BMP7: variants seen among roughly 807,000 people sequenced by gnomAD.
BMP7 encodes osteogenic protein 1.
A neutral mutation model predicts 41.2 loss-of-function variants in BMP7; 12 were observed. The ratio of observed to expected loss-of-function variants is 0.29; its 90% confidence interval spans 0.19 to 0.47. The LOEUF is 0.47. Among genes scored for constraint, BMP7 ranks in the 20% least tolerant of loss-of-function variants. The pLI is 0.99. For missense variants in BMP7, 467 were observed against 606.0 expected (o/e 0.77, Z 2.41); for synonymous variants, 248 against 250.0 (o/e 0.99, Z 0.07).
At chr20:57,244,278 A>C (rs919175858) in intron 1 of BMP7, among the ~76,000 whole-genome samples, 1 of 152,140 alleles carries the variant, frequency 6.6e-6, no homozygotes, top group African/African-American at 2.4e-5. Context: ...AGGAAAGGAG[A>C]GTGTCCATGG....
At position 57,192,270 on chromosome 20, in the gene BMP7, A is replaced by G. The variant is rs1241246860; in HGVS notation, c.761-8351T>C. On this transcript the variant is annotated intron_variant, in intron 3 of 6. Coordinates refer to ENST00000395863, the MANE Select transcript of BMP7 (RefSeq NM_001719.3). Reference sequence around the variant, plus strand: ...GCATATATACTATAGTATATATAGTATATATACTATAATATATATAGTATA... The same window carrying G: ...GCATATATACTATAGTATATATAGTGTATATACTATAATATATATAGTATA... Among the ~76,000 whole-genome samples the G allele has an allele frequency of 5.9e-5, 8 of 134,510 alleles. No homozygotes were observed. In the East Asian group the frequency reaches 1.7e-3, roughly 28 times the overall value. 88.2% of individuals were successfully genotyped at this position (134,510 alleles called of 152,430 possible).
intron 3 of BMP7, among the ~76,000 whole-genome samples, chr20:57,196,004 A>G (rs1434023167): frequency 6.6e-6 from 1 of 152,164 alleles, no homozygotes; most frequent in African/African-American, 2.4e-5. Flanking sequence ...GGAGTATAAC[A>G]TGAGGCAGAC....
chr20:57,227,899 C>T (rs973475140), intron 2 of BMP7, among the ~76,000 whole-genome samples: 5 of 152,004 alleles, frequency 3.3e-5, no homozygotes, highest in African/African-American at 1.2e-4. Context: ...GAGTGAGAAA[C>T]GGGAGAGAGG....
At chr20:57,225,221 A>G (rs1985283398) in intron 2 of BMP7, among the ~76,000 whole-genome samples, 1 of 152,188 alleles carries the variant, frequency 6.6e-6, no homozygotes, top group Non-Finnish European at 1.5e-5. Flanking sequence ...CTATCTCTGA[A>G]CAGGCGAGCT....
At chr20:57,252,509 T>C (rs1358464345) in intron 1 of BMP7, among the ~76,000 whole-genome samples, 3 of 152,148 alleles carry the variant, frequency 2.0e-5, no homozygotes, top group Non-Finnish European at 4.4e-5. Context: ...AAGATAAAAA[T>C]AAAAGAGGGG....
chr20:57,249,003 G>A lies in BMP7; in HGVS notation c.418+16702C>T, dbSNP rs747369711. On this transcript the variant is annotated intron_variant, in intron 1 of 6. Transcript: ENST00000395863. ...TTTTTAGTAGAGACGATGTTTCACC[G>A]TGTTAGCTAGCATGGTCTTGATCTC... 8.6e-5 allele frequency among the ~76,000 whole-genome samples: 13 copies of A among 151,814 alleles called. 1 individual carries two copies. Among genetic ancestry groups the A allele is most frequent in the East Asian group, 2.0e-4 (1 of 5,126 alleles).
chr20:57,225,666 A>C (rs1232811152), intron 2 of BMP7, among the ~76,000 whole-genome samples: 2 of 152,226 alleles, frequency 1.3e-5, no homozygotes, highest in Non-Finnish European at 2.9e-5. Context: ...TTCTAGGTTG[A>C]AAAACAAAAC....
intron 1 of BMP7, among the ~76,000 whole-genome samples, chr20:57,237,180 G>A (rs1311764256): frequency 1.3e-5 from 2 of 152,168 alleles, no homozygotes; most frequent in Admixed American, 1.3e-4. Context: ...CTCCAGTTAG[G>A]GGCCGGGGAC....
Position 57,183,772 on chromosome 20 carries a change from C to T in BMP7, c.908G>A (p.Arg303His), listed in dbSNP as rs749169949. ...STGSKQRSQN[R>H]SKTPKNQEAL... ...TTCCTGGTTCTTGGGCGTCTTGGAG[C>T]GGTTCTGGCTGCGCTGTTTGCTCCC... is the stretch of plus-strand genomic sequence containing the variant. The change falls in exon 4 of 7, where the codon CGC (arginine) becomes CAC (histidine). Residue 303 changes from arginine (R) to histidine (H), a missense_variant. Physicochemically the swap from Arg to His is conservative, Grantham distance 29. Coordinates refer to ENST00000395863, the MANE Select transcript of BMP7 (RefSeq NM_001719.3). 2.1e-5 allele frequency: 34 copies of T among 1,614,076 alleles called. No homozygotes were observed. Among genetic ancestry groups the T allele is most frequent in the South Asian group, 2.0e-4 (18 of 91,086 alleles).
intron 3 of BMP7, among the ~76,000 whole-genome samples, chr20:57,192,945 G>A (rs560780614): frequency 1.1e-4 from 17 of 152,116 alleles, no homozygotes; most frequent in South Asian, 2.1e-4. Context: ...GCTTTCCTGC[G>A]GTATAATAAC....
chr20:57,260,604 C>G (rs1013356818), intron 1 of BMP7, among the ~76,000 whole-genome samples: 2 of 152,200 alleles, frequency 1.3e-5, no homozygotes, highest in African/African-American at 4.8e-5. Context: ...TAATTAAAAG[C>G]AGAGGGTTGT....
chr20:57,172,117 G>A (rs1025188670), intron 6 of BMP7, among the ~76,000 whole-genome samples: 1 of 152,184 alleles, frequency 6.6e-6, no homozygotes, highest in Admixed American at 6.5e-5. Flanking sequence ...GGGCCATGAA[G>A]GCAGGGGTTG....
At chr20:57,204,844 G>A (rs752043662) in intron 2 of BMP7, among the ~76,000 whole-genome samples, 1 of 152,214 alleles carries the variant, frequency 6.6e-6, no homozygotes, top group Non-Finnish European at 1.5e-5. Flanking sequence ...TGTTATTGCT[G>A]TGGTTTCAAT....
intron 1 of BMP7, among the ~76,000 whole-genome samples, chr20:57,244,563 A>G (rs1294327260): frequency 1.2e-4 from 19 of 152,184 alleles, no homozygotes; most frequent in Admixed American, 1.2e-3. Flanking sequence ...TCTGCCAATC[A>G]CCAGCAGTGA....
At chr20:57,194,194 A>G (rs2123079704) in intron 3 of BMP7, among the ~76,000 whole-genome samples, 1 of 152,286 alleles carries the variant, frequency 6.6e-6, no homozygotes, top group African/African-American at 2.4e-5. Context: ...AGGCAGCCAC[A>G]TTGCCAACCA....
chr20:57,173,450 G>C (rs1234120823), intron 5 of BMP7, 140 bp from the exon 6 acceptor site: 2 of 795,476 alleles, frequency 2.5e-6, no homozygotes, highest in Non-Finnish European at 4.3e-6. Context: ...GAGCAGCAGG[G>C]GGCCCAGCAG....
At chr20:57,226,340 C>T (rs2123115558) in intron 2 of BMP7, among the ~76,000 whole-genome samples, 1 of 152,374 alleles carries the variant, frequency 6.6e-6, no homozygotes, top group African/African-American at 2.4e-5. Context: ...ATGTCGATGT[C>T]ACCTCCCAGG....
intron 3 of BMP7, among the ~76,000 whole-genome samples, chr20:57,185,583 T>G (rs1984191220): frequency 6.6e-6 from 1 of 152,212 alleles, no homozygotes; most frequent in South Asian, 2.1e-4. Flanking sequence ...AGATATTGTA[T>G]GAAATCCCTA....
chr20:57,248,073 C>T (rs2066097238), intron 1 of BMP7, among the ~76,000 whole-genome samples: 1 of 152,114 alleles, frequency 6.6e-6, no homozygotes. Context: ...TACAGAGGGT[C>T]TGGTTAAATT....
Sources: gnomAD v4.1 joint callset for allele counts (sites outside exome capture counted in the v4.1 genomes callset) on GRCh38, gnomAD v4.1.1 for gene constraint, MANE v1.5 for transcripts, NCBI Gene and HGNC (gene_info 2026-07-23, HGNC 2026-07-21) for gene names.